Variants in KIF26B observed in about 807,000 individuals in gnomAD.
KIF26B encodes the protein kinesin family member 26B.
A neutral mutation model predicts 151.2 loss-of-function variants in KIF26B; 63 were observed. The observed-to-expected ratio is 0.42, with a 90% CI of 0.34 to 0.51. KIF26B has a LOEUF of 0.51. Ranked by LOEUF, KIF26B falls within the 20% of genes least tolerant of loss-of-function variation. The probability of loss-of-function intolerance (pLI) is 0.07; values close to 1 mark genes in which losing one functional copy is unlikely to be tolerated. For synonymous variants in KIF26B, 1,357 were observed against 1,262.1 expected (o/e 1.08, Z -1.59); for missense variants, 2,813 against 2,913.6 (o/e 0.97, Z 0.79).
chr1:245,388,756 C>A (rs893019776), intron 3 of KIF26B, among the ~76,000 whole-genome samples: 1 of 152,220 alleles, frequency 6.6e-6, no homozygotes, highest in Non-Finnish European at 1.5e-5. Context: ...AATTGTATCT[C>A]TATTAGCAAT....
At chr1:245,689,051 C>T (rs1030884301) in intron 12 of KIF26B, among the ~76,000 whole-genome samples, 1 of 152,182 alleles carries the variant, frequency 6.6e-6, no homozygotes, top group South Asian at 2.1e-4. Flanking sequence ...GGGACATCAC[C>T]GCGGAGGGTT....
rs534056963 is a variant in KIF26B at position 245,346,287 on chromosome 1, C to T, written c.466-20547C>T. 1.0e-3 allele frequency among the ~76,000 whole-genome samples: 158 copies of T among 152,204 alleles called. 1 individual carries two copies. The highest frequency in any genetic ancestry group is 2.5e-3 in the Admixed American group (38 of 15,288). On this transcript the variant is annotated intron_variant, in intron 2 of 14. Transcript: ENST00000407071. Reference sequence around the variant, plus strand: ...CAATGCAAGAACAGACTAATACAGTCCCTTTACCTTATCTTCCTAACTGCT... The same window carrying T: ...CAATGCAAGAACAGACTAATACAGTTCCTTTACCTTATCTTCCTAACTGCT...
intron 9 of KIF26B, among the ~76,000 whole-genome samples, chr1:245,629,348 A>C (rs548329484): frequency 6.6e-6 from 1 of 152,206 alleles, no homozygotes; most frequent in Non-Finnish European, 1.5e-5. Flanking sequence ...TTCAAACTAT[A>C]CTACAAGGCT....
At chr1:245,313,870 C>T (rs1008611197) in intron 2 of KIF26B, among the ~76,000 whole-genome samples, 1 of 152,176 alleles carries the variant, frequency 6.6e-6, no homozygotes, top group Non-Finnish European at 1.5e-5. Context: ...GACTGAGGCC[C>T]ATCCTGATTT....
chr1:245,634,215 T>G (rs1423066573), intron 9 of KIF26B, among the ~76,000 whole-genome samples: 2 of 152,238 alleles, frequency 1.3e-5, no homozygotes, highest in African/African-American at 4.8e-5. Flanking sequence ...CACCTATTAG[T>G]TCTAGTACCT....
At chr1:245,491,689 A>T (rs746626051) in intron 4 of KIF26B, among the ~76,000 whole-genome samples, 7 of 152,124 alleles carry the variant, frequency 4.6e-5, no homozygotes, top group Non-Finnish European at 1.0e-4. Context: ...GGGTGGATCA[A>T]CTGAGGTCAG....
chr1:245,284,446 G>A (rs12028231), intron 2 of KIF26B, among the ~76,000 whole-genome samples: 18,106 of 152,036 alleles, frequency 0.12, 1,326 homozygotes, highest in African/African-American at 0.2. Context: ...CGCAGGTGGT[G>A]TAAATTCTGA....
intron 2 of KIF26B, among the ~76,000 whole-genome samples, chr1:245,178,385 T>G (rs1196279349): frequency 6.6e-6 from 1 of 152,196 alleles, no homozygotes; most frequent in East Asian, 1.9e-4. Context: ...CTGAGTCCCT[T>G]CAGTGATCCA....
rs541029943 is a variant in KIF26B, at chr1:245,341,664, G to A, written c.466-25170G>A. On this transcript the variant is annotated intron_variant, in intron 2 of 14. Coordinates refer to ENST00000407071, the MANE Select transcript of KIF26B (RefSeq NM_018012.4). ...AAGGTGAACTCTCTGGGCACCTAGA[G>A]AAACTTGTAGGGAAACAAAAGCTTG... Among the ~76,000 whole-genome samples, 4 of 152,314 alleles carry A rather than the reference G, an allele frequency of 2.6e-5. No individual in the cohort carries two copies. The South Asian group carries it at 8.3e-4, about 32-fold the overall frequency.
At chr1:245,251,116 G>A (rs1670435817) in intron 2 of KIF26B, among the ~76,000 whole-genome samples, 1 of 152,184 alleles carries the variant, frequency 6.6e-6, no homozygotes, top group African/African-American at 2.4e-5. Flanking sequence ...TAGAGACTTA[G>A]GGACCAAGGT....
At chr1:245,288,160 C>T (rs906452177) in intron 2 of KIF26B, among the ~76,000 whole-genome samples, 13 of 152,152 alleles carry the variant, frequency 8.5e-5, no homozygotes, top group Admixed American at 6.5e-4. Context: ...CGGAGTCCAT[C>T]TGCTCTGAAT....
At chr1:245,436,314 G>T (rs1658930956) in intron 4 of KIF26B, among the ~76,000 whole-genome samples, 1 of 152,126 alleles carries the variant, frequency 6.6e-6, no homozygotes. Context: ...TGCTACCTGG[G>T]CTTGCTTGAT....
intron 5 of KIF26B, among the ~76,000 whole-genome samples, chr1:245,585,312 C>T (rs1259401741): frequency 2.0e-5 from 3 of 152,146 alleles, no homozygotes; most frequent in Admixed American, 2.0e-4. Flanking sequence ...GTTGTTTAAA[C>T]AAAAACGTGT....
intron 4 of KIF26B, among the ~76,000 whole-genome samples, chr1:245,432,196 G>T (rs1313282368): frequency 6.6e-6 from 1 of 152,148 alleles, no homozygotes; most frequent in Non-Finnish European, 1.5e-5. Context: ...TGGGAGATGG[G>T]CGGCTAAGTC....
chr1:245,546,683 C>T (rs1412029238), intron 5 of KIF26B, among the ~76,000 whole-genome samples: 2 of 152,260 alleles, frequency 1.3e-5, no homozygotes, highest in African/African-American at 2.4e-5. Context: ...ACACTCACAA[C>T]TTCATTCTTA....
chr1:245,186,489 A>G (rs1669003321), intron 2 of KIF26B, among the ~76,000 whole-genome samples: 1 of 152,212 alleles, frequency 6.6e-6, no homozygotes, highest in South Asian at 2.1e-4. Context: ...TGTGAGGTGA[A>G]AGGCAGCCCA....
Position 245,155,404 on chromosome 1 carries a change from C to T in KIF26B, c.-21C>T. 1 of 1,600,242 alleles carries T rather than the reference C, an allele frequency of 6.2e-7. No homozygotes were observed. The highest frequency in any genetic ancestry group is 1.1e-5 in the South Asian group (1 of 88,802). ...GTAGCGTCGGTGGAACCTTTAGATA[C>T]TCTCCTCTGGAAAAGCCACCATGAA... On this transcript the variant is annotated 5_prime_UTR_variant, in exon 1 of 15. Coordinates refer to ENST00000407071, the MANE Select transcript of KIF26B (RefSeq NM_018012.4).
chr1:245,442,610 C>A (rs1659133531), intron 4 of KIF26B, among the ~76,000 whole-genome samples: 1 of 152,048 alleles, frequency 6.6e-6, no homozygotes, highest in Non-Finnish European at 1.5e-5. Flanking sequence ...CTGGGGAACT[C>A]TGGGGGTTTG....
chr1:245,409,783 C>T (rs1674230603), intron 3 of KIF26B, among the ~76,000 whole-genome samples: 1 of 152,160 alleles, frequency 6.6e-6, no homozygotes, highest in Non-Finnish European at 1.5e-5. Context: ...GCCTCAGAGT[C>T]TCAGAGGTGA....
Sources: gnomAD v4.1 joint callset for allele counts (sites outside exome capture counted in the v4.1 genomes callset) on GRCh38, gnomAD v4.1.1 for gene constraint, MANE v1.5 for transcripts, NCBI Gene and HGNC (gene_info 2026-07-23, HGNC 2026-07-21) for gene names.